Variants in CENATAC observed in about 807,000 individuals in gnomAD.
The protein encoded by CENATAC is coiled-coil domain containing 84.
A neutral mutation model predicts 53.7 loss-of-function variants in CENATAC; 53 were observed. The ratio of observed to expected loss-of-function variants is 0.99; its 90% confidence interval spans 0.79 to 1.24. The LOEUF is 1.24. Ranked by LOEUF, CENATAC falls within the 50% of genes most tolerant of loss-of-function variation. The pLI is 0.00. For synonymous variants in CENATAC, 156 were observed against 144.6 expected, an observed-to-expected ratio of 1.08 and a Z score of -0.57; for missense variants, 474 against 417.8, an observed-to-expected ratio of 1.13 and a Z score of -1.17.
chr11:119,009,110 ATCTT>A (rs924286823), intron 3 of CENATAC, among the ~76,000 whole-genome samples: 2 of 152,146 alleles, frequency 1.3e-5, no homozygotes, highest in East Asian at 1.9e-4. Context: ...TGACAGTCTG[ATCTT>A]TCTTTCTTTT....
chr11:119,011,382 T>G (rs2134564170), intron 5 of CENATAC, 99 bp downstream of exon 5: 1 of 1,117,090 alleles, frequency 9.0e-7, no homozygotes, highest in African/African-American at 1.7e-5. Context: ...TTCTTCTTCT[T>G]TTTTTTTTGG....
In CENATAC at chr11:119,012,315, C is replaced by A. The variant is rs557793240; in HGVS notation, c.684+61C>A. On this transcript the variant is annotated intron_variant, in intron 7 of 10. Transcript: ENST00000334418. ...GTCCCTCAGGTCTCAGGACCCCTTT[C>A]TCCTGATTTTCTACCTATTCAAGCC... 99 of 1,576,932 alleles carry A rather than the reference C, an allele frequency of 6.3e-5. No homozygotes were observed. In the East Asian group the frequency reaches 1.6e-3, roughly 26 times the overall value.
chr11:119,013,383 C>T (rs1942970180), intron 8 of CENATAC, 121 bp downstream of exon 8: 3 of 683,112 alleles, frequency 4.4e-6, no homozygotes, highest in Non-Finnish European at 7.5e-6. Context: ...GCAACCTCTG[C>T]CTCTCAGGTT....
At chr11:119,008,369 GA>G (rs1250686472) in intron 3 of CENATAC, among the ~76,000 whole-genome samples, 4 of 152,210 alleles carry the variant, frequency 2.6e-5, no homozygotes, top group African/African-American at 4.8e-5. Flanking sequence ...AATTACATGT[GA>G]GCAAAAGAAT....
Position 119,012,263 on chromosome 11 carries a change from G to A in CENATAC, c.684+9G>A, listed in dbSNP as rs1488744286. The A allele has an allele frequency of 1.9e-6, 3 of 1,613,744 alleles. No individual in the cohort carries two copies. Among genetic ancestry groups the A allele is most frequent in the Non-Finnish European group, 2.5e-6 (3 of 1,179,872 alleles). ...CATTCATTGGCCATCAGGTACAAAG[G>A]ATAAGCAAGCCAGAAGAGGGCCAAT... On this transcript the variant is annotated intron_variant, in intron 7 of 10. Transcript: ENST00000334418.
intron 8 of CENATAC, 36 bp from the exon 9 acceptor site, chr11:119,014,958 T>TGA: frequency 8.6e-7 from 1 of 1,169,132 alleles, no homozygotes; most frequent in South Asian, 1.5e-5. Flanking sequence ...CCTGAAGACT[T>TGA]AAAAAAAAAA....
intron 2 of CENATAC, 135 bp downstream of exon 2, chr11:118,998,728 C>A: frequency 1.6e-6 from 2 of 1,246,030 alleles, no homozygotes; most frequent in Non-Finnish European, 2.2e-6. Context: ...CAGGTTTTGC[C>A]AGCCTTGTTA....
At chr11:118,998,872 G>C (rs540071705) in intron 2 of CENATAC, 139 bp from the exon 3 acceptor site, 3 of 713,106 alleles carry the variant, frequency 4.2e-6, no homozygotes, top group Non-Finnish European at 7.0e-6. Context: ...AGATCTTGAA[G>C]AGATGGTAAC....
chr11:119,014,687 A>T (rs534448196), intron 8 of CENATAC: 1 of 207,766 alleles, frequency 4.8e-6, no homozygotes, highest in East Asian at 1.1e-4. Flanking sequence ...AAATATTTTA[A>T]TGGGGGCAGT....
rs368708339 is a variant in CENATAC at position 119,015,120 on chromosome 11, T to A, written c.805+37T>A. ...AATTCAAGAGAGGATCGTCTAAATC[T>A]TCACACTCAAAAATGGTTTCCTTGC... is the stretch of plus-strand genomic sequence containing the variant. On this transcript the variant is annotated intron_variant, in intron 9 of 10. Transcript: ENST00000334418. 7.7e-6 allele frequency: 12 copies of A among 1,549,128 alleles called. No homozygotes were observed. The African/African-American group carries it at 9.6e-5, about 12-fold the overall frequency.
Position 118,999,075 on chromosome 11 carries a change from G to C in CENATAC, c.349G>C (p.Glu117Gln), listed in dbSNP as rs1273748323. Residue 117 changes from glutamate (E) to glutamine (Q), a missense_variant, in exon 3 of 11, where the codon GAG becomes CAG. Physicochemically the swap from Glu to Gln is conservative, Grantham distance 29. Coordinates refer to ENST00000334418, the MANE Select transcript of CENATAC (RefSeq NM_198489.3). Reference protein sequence around the residue: ...WENKAEVQMKEKFLVTPQDYA... With the variant: ...WENKAEVQMKQKFLVTPQDYA... Reference sequence around the variant, plus strand: ...GAACAAAGCTGAGGTCCAGATGAAAGAGAAGTTTCTGGTCACTCCCCAGGA... The same window carrying C: ...GAACAAAGCTGAGGTCCAGATGAAACAGAAGTTTCTGGTCACTCCCCAGGA... 5 of 1,614,142 alleles carry C rather than the reference G, an allele frequency of 3.1e-6. No homozygotes were observed. The highest frequency in any genetic ancestry group is 4.2e-6 in the Non-Finnish European group (5 of 1,179,986).
chr11:119,014,212 A>G (rs924167793), intron 8 of CENATAC: 1 of 152,410 alleles, frequency 6.6e-6, no homozygotes, highest in African/African-American at 2.4e-5. Context: ...GTCTATCAAC[A>G]GGCAAATGGA....
intron 3 of CENATAC, chr11:119,001,919 G>C (rs1338239878): frequency 3.9e-6 from 1 of 257,174 alleles, no homozygotes; most frequent in Non-Finnish European, 8.0e-6. Context: ...TTTTTTTAGA[G>C]AAGTTAATGA....
chr11:119,011,744 A>C (rs781948341), intron 5 of CENATAC, among the ~76,000 whole-genome samples, 195 bp from the exon 6 acceptor site: 14 of 140,726 alleles, frequency 9.9e-5, no homozygotes, highest in Non-Finnish European at 1.2e-4. Flanking sequence ...CCTGTGTGCC[A>C]GGGGGCAGGC....
chr11:119,013,439 G>A (rs1275198618), intron 8 of CENATAC, among the ~76,000 whole-genome samples, 177 bp downstream of exon 8: 3 of 150,962 alleles, frequency 2.0e-5, no homozygotes, highest in South Asian at 4.2e-4. Flanking sequence ...GGGGTTACAG[G>A]TGTGCACCAC....
intron 3 of CENATAC, among the ~76,000 whole-genome samples, chr11:119,000,219 C>T (rs540925575): frequency 6.6e-6 from 1 of 152,308 alleles, no homozygotes; most frequent in South Asian, 2.1e-4. Context: ...TTAAATTATC[C>T]AGCTTTAGAT....
intron 5 of CENATAC, among the ~76,000 whole-genome samples, chr11:119,011,504 C>T (rs1191607009): frequency 8.5e-5 from 13 of 152,060 alleles, no homozygotes; most frequent in African/African-American, 1.9e-4. Flanking sequence ...CTCAGGCTCC[C>T]GAGTAGCTGG....
Position 119,007,475 on chromosome 11 carries a change from T to A in CENATAC, c.384-3289T>A, listed in dbSNP as rs61006325. On this transcript the variant is annotated intron_variant, in intron 3 of 10. Transcript: ENST00000334418. ...GGGATTACAGATGTGAACCACCTAA[T>A]CTGGCCTTTTTATTTATTTATTTAT... 8.4e-3 allele frequency among the ~76,000 whole-genome samples: 1,275 copies of A among 152,112 alleles called. 20 individuals carry two copies. The highest frequency in any genetic ancestry group is 0.029 in the African/African-American group (1,203 of 41,500).
Position 119,011,238 on chromosome 11 carries a change from T to TGAGGTGGAGCAGAGCCGACAG in CENATAC, c.476_496dup (p.Glu159_Val165dup). On this transcript the variant is annotated inframe_insertion, in exon 5 of 11. Transcript: ENST00000334418. ...TCCCACAGATGGCAGCTCAGATCCG[T>TGAGGTGGAGCAGAGCCGACAG]GAGGTGGAGCAGAGCCGACAGGAGG... is the stretch of plus-strand genomic sequence containing the variant. 1 of 1,613,870 alleles carries TGAGGTGGAGCAGAGCCGACAG rather than the reference T, an allele frequency of 6.2e-7. No individual in the cohort carries two copies. Among genetic ancestry groups the TGAGGTGGAGCAGAGCCGACAG allele is most frequent in the Non-Finnish European group, 8.5e-7 (1 of 1,179,828 alleles).
Sources: gnomAD v4.1 joint callset for allele counts (sites outside exome capture counted in the v4.1 genomes callset) on GRCh38, gnomAD v4.1.1 for gene constraint, MANE v1.5 for transcripts, NCBI Gene and HGNC (gene_info 2026-07-23, HGNC 2026-07-21) for gene names.